NSMCE4A: variants seen among roughly 807,000 people sequenced by gnomAD.
NSMCE4A encodes non-structural maintenance of chromosomes element 4 homolog A.
A neutral mutation model predicts 47.9 loss-of-function variants in NSMCE4A; 40 were observed. The observed-to-expected ratio is 0.83, with a 90% confidence interval of 0.65 to 1.09. NSMCE4A has a LOEUF of 1.09. NSMCE4A is among the 50% of genes least tolerant of loss of function. NSMCE4A has a pLI of 0.00. For synonymous variants in NSMCE4A, 166 were observed against 178.5 expected, an observed-to-expected ratio of 0.93 and a Z score of 0.56; for missense variants, 500 against 507.0, an observed-to-expected ratio of 0.99 and a Z score of 0.13.
intron 2 of NSMCE4A, among the ~76,000 whole-genome samples, chr10:121,972,443 A>C (rs1232217492): frequency 6.6e-6 from 1 of 151,422 alleles, no homozygotes; most frequent in Non-Finnish European, 1.5e-5. Context: ...TGCCTGCCCC[A>C]CTCCCTTCCC....
chr10:121,961,047 T>C (rs1035720909), intron 7 of NSMCE4A, among the ~76,000 whole-genome samples: 1 of 151,876 alleles, frequency 6.6e-6, no homozygotes, highest in African/African-American at 2.4e-5. Flanking sequence ...ATGAATGAAG[T>C]GAGAATGATA....
At position 121,960,173 on chromosome 10, in the gene NSMCE4A, T is replaced by C. The variant is rs996984371; in HGVS notation, c.988+185A>G. 33 of 431,290 alleles carry C rather than the reference T, an allele frequency of 7.7e-5. No homozygotes were observed. The highest frequency in any genetic ancestry group is 1.1e-4 in the Non-Finnish European group (26 of 243,400). 26.7% of individuals were successfully genotyped at this position (431,290 alleles called of 1,614,324 possible). A position where few individuals can be genotyped will look rare whatever the true frequency, so the allele number is the denominator to read the frequency against. ...TACAGCAGATGTTGAATCAATGATATAGATGAATCCATCAAAATTTTAGAC... is the reference window on the plus strand; with the variant it reads ...TACAGCAGATGTTGAATCAATGATACAGATGAATCCATCAAAATTTTAGAC... On this transcript the variant is annotated intron_variant, in intron 8 of 10. Transcript: ENST00000369023. The surrounding 1 kb of genome is among the most constrained non-coding windows in gnomAD (Gnocchi z 4.2).
At chr10:121,963,587 C>T (rs1164609903) in intron 5 of NSMCE4A, among the ~76,000 whole-genome samples, 2 of 139,770 alleles carry the variant, frequency 1.4e-5, no homozygotes, top group Non-Finnish European at 3.2e-5. Context: ...TGCACCACTA[C>T]ACCTGGCTAA....
intron 6 of NSMCE4A, chr10:121,962,109 TA>T (rs71022875): frequency 0.61 from 178,688 of 293,530 alleles, 46,821 homozygotes; most frequent in African/African-American, 0.78. Context: ...GACTGTCTCC[TA>T]AAAAAAAAAA....
chr10:121,963,156 G>A, intron 6 of NSMCE4A, 82 bp downstream of exon 6: 1 of 692,010 alleles, frequency 1.4e-6, no homozygotes, highest in Non-Finnish European at 2.5e-6. Flanking sequence ...ATTACATACA[G>A]CTGAAATTGC....
Position 121,970,997 on chromosome 10 carries a change from G to A in NSMCE4A, c.443C>T (p.Ala148Val), listed in dbSNP as rs1317086498. The change falls in exon 3 of 11, where the codon GCA becomes GTA. Residue 148 changes from alanine (A) to valine (V), a missense_variant. Ala to Val is a moderately conservative substitution (Grantham distance 64). Transcript: ENST00000369023. ...VLASDLGKEK[A>V]KQLRSDLSSF... Reference sequence around the variant, plus strand: ...GCTCAGGTCTGAGCGCAGCTGCTTTGCTTTCTCTTTGCCCAAATCTGAAGC... The same window carrying A: ...GCTCAGGTCTGAGCGCAGCTGCTTTACTTTCTCTTTGCCCAAATCTGAAGC... 2 of 1,613,934 alleles carry A rather than the reference G, an allele frequency of 1.2e-6. No individual in the cohort carries two copies. Among genetic ancestry groups the A allele is most frequent in the Non-Finnish European group, 1.7e-6 (2 of 1,179,960 alleles).
At chr10:121,974,633 C>T (rs997202278) in intron 1 of NSMCE4A, 1 of 1,074,934 alleles carries the variant, frequency 9.3e-7, no homozygotes, top group Non-Finnish European at 1.1e-6. Flanking sequence ...CGGCTCTGGC[C>T]TCCAGCTTTT....
chr10:121,964,770 A>T (rs1490756454), intron 5 of NSMCE4A, among the ~76,000 whole-genome samples: 1 of 152,252 alleles, frequency 6.6e-6, no homozygotes, highest in Non-Finnish European at 1.5e-5. Flanking sequence ...ATTTCTTAAT[A>T]GAATAGTAAC....
intron 2 of NSMCE4A, among the ~76,000 whole-genome samples, chr10:121,972,667 T>C (rs996883236): frequency 3.3e-5 from 5 of 152,040 alleles, no homozygotes; most frequent in African/African-American, 1.2e-4. Context: ...TTGAGTCAAG[T>C]CAAGCAAGAC....
intron 3 of NSMCE4A, 139 bp downstream of exon 3, chr10:121,970,800 T>C (rs1448352638): frequency 1.5e-6 from 1 of 683,444 alleles, no homozygotes; most frequent in African/African-American, 1.8e-5. Context: ...CTGTTTAAAT[T>C]GGTAAGATCT....
chr10:121,974,893 C>T lies in NSMCE4A; in HGVS notation c.273G>A (p.Ala91=). ...CCTTACGTTGGACGGAGTTGATGAG[C>T]GCCCGGTACTGATGGCGGATCTGGC... is the stretch of plus-strand genomic sequence containing the variant. ...LCRQIRHQYR[A]LINSVQQNRE... is the part of the protein sequence containing the mutation. Residue 91 remains alanine (A), a synonymous_variant, in exon 1 of 11, where the codon GCG becomes GCA. Transcript: ENST00000369023. 2.0e-6 allele frequency: 3 copies of T among 1,511,170 alleles called. No homozygotes were observed. The highest frequency in any genetic ancestry group is 2.6e-6 in the Non-Finnish European group (3 of 1,132,262). 93.6% of individuals were successfully genotyped at this position (1,511,170 alleles called of 1,614,324 possible).
chr10:121,961,617 C>A, intron 6 of NSMCE4A, 100 bp from the exon 7 acceptor site: 1 of 695,112 alleles, frequency 1.4e-6, no homozygotes, highest in Non-Finnish European at 2.3e-6. Flanking sequence ...GTACTCATTC[C>A]TGCTGCAGGA....
intron 8 of NSMCE4A, 148 bp from the exon 9 acceptor site, chr10:121,959,743 G>T: frequency 4.8e-6 from 3 of 620,582 alleles, no homozygotes; most frequent in Non-Finnish European, 8.5e-6. Context: ...CATGCATTAT[G>T]GAGCTGCTGT....
rs931379124 is a variant in NSMCE4A at position 121,975,131 on chromosome 10, C to G, written c.35G>C (p.Gly12Ala). 2.1e-6 allele frequency: 3 copies of G among 1,412,536 alleles called. No individual in the cohort carries two copies. In the African/African-American group the frequency reaches 4.6e-5, roughly 22 times the overall value. The allele number at this position is 1,412,536 out of a possible 1,614,324, so 87.5% of individuals were successfully genotyped here. ...SGDSSGRGPE[G>A]RGRGRDPHRD... ...ATGCGGGTCGCGGCCCCGGCCCCGG[C>G]CCTCTGGCCCGCGGCCGCTGCTGTC... Residue 12 changes from glycine to alanine, a missense_variant, in exon 1 of 11, where the codon GGC becomes GCC. By Grantham distance (60) the Gly-to-Ala change is moderately conservative. Coordinates refer to ENST00000369023, the MANE Select transcript of NSMCE4A (RefSeq NM_017615.3).
rs528427657 is a variant in NSMCE4A at position 121,957,420 on chromosome 10, T to C, written c.*13-161A>G. On this transcript the variant is annotated intron_variant, in intron 10 of 10. Coordinates refer to ENST00000369023, the MANE Select transcript of NSMCE4A (RefSeq NM_017615.3). ...AATTTATTCCATATTTATTCCCTTC[T>C]TCTTTTTTCTTTTTTTTTTTTTTTT... Among the ~76,000 whole-genome samples, 11 of 119,330 alleles carry C rather than the reference T, an allele frequency of 9.2e-5. No homozygotes were observed. The South Asian group carries it at 3.4e-3, about 37-fold the overall frequency. The allele number at this position is 119,330 out of a possible 152,430, so 78.3% of individuals were successfully genotyped here.
rs1952478301 is a variant in NSMCE4A, at chr10:121,960,466, C to T, written c.940-60G>A. 1.6e-6 allele frequency: 2 copies of T among 1,244,952 alleles called. No individual in the cohort carries two copies. Among genetic ancestry groups the T allele is most frequent in the Admixed American group, 5.9e-5 (2 of 33,626 alleles). 77.1% of individuals were successfully genotyped at this position (1,244,952 alleles called of 1,614,324 possible). A position where few individuals can be genotyped will look rare whatever the true frequency, so the allele number is the denominator to read the frequency against. On this transcript the variant is annotated intron_variant, in intron 7 of 10. Transcript: ENST00000369023. This position sits in a 1 kb window ranked among gnomAD's most constrained non-coding sequence, Gnocchi z 4.2. ...CATTTAAGACTCAAACCTATACGCA[C>T]TAGATGGAAAAAATTACTCAGAAAA...
intron 1 of NSMCE4A, 21 bp downstream of exon 1, chr10:121,974,853 C>T (rs1415018055): frequency 2.1e-6 from 3 of 1,445,336 alleles, no homozygotes; most frequent in Non-Finnish European, 1.8e-6. Context: ...GGGCCCGCGC[C>T]GCCCGGAGGC....
At chr10:121,972,302 C>T (rs936133698) in intron 2 of NSMCE4A, among the ~76,000 whole-genome samples, 7 of 151,898 alleles carry the variant, frequency 4.6e-5, no homozygotes, top group African/African-American at 1.2e-4. Context: ...CCAGCCTGGG[C>T]GACAGGTGTA....
At position 121,957,127 on chromosome 10, in the gene NSMCE4A, A is replaced by G. The variant is rs2134724318; in HGVS notation, c.*145T>C. The G allele has an allele frequency of 6.5e-6, 1 of 152,732 alleles. No individual in the cohort carries two copies. The highest frequency in any genetic ancestry group is 6.5e-5 in the Admixed American group (1 of 15,296). 9.5% of individuals were successfully genotyped at this position (152,732 alleles called of 1,614,324 possible). Reference sequence around the variant, plus strand: ...GGCGGTGAGTTTCCTTTAATCAAAGACAACCATGACAAATTTATTAACTAT... The same window carrying G: ...GGCGGTGAGTTTCCTTTAATCAAAGGCAACCATGACAAATTTATTAACTAT... On this transcript the variant is annotated 3_prime_UTR_variant, in exon 11 of 11. Coordinates refer to ENST00000369023, the MANE Select transcript of NSMCE4A (RefSeq NM_017615.3).
Sources: allele counts gnomAD v4.1 joint callset (sites outside exome capture counted in the v4.1 genomes callset), GRCh38; gene constraint gnomAD v4.1.1; non-coding constraint Gnocchi (gnomAD v3.1); transcripts MANE v1.5; gene names NCBI Gene and HGNC (gene_info 2026-07-23, HGNC 2026-07-21).